RNF180: variants seen among roughly 807,000 people sequenced by gnomAD.
The protein encoded by RNF180 is E3 ubiquitin-protein ligase RNF180.
Under a neutral mutation model 59.2 loss-of-function variants are expected in RNF180, and 38 were observed. The observed-to-expected ratio is 0.64, with a 90% CI of 0.50 to 0.84. The LOEUF (loss-of-function observed/expected upper bound fraction) is 0.84, where lower values mean the gene tolerates loss of function less well. Among genes scored for constraint, RNF180 ranks in the 40% least tolerant of loss-of-function variants. The probability of loss-of-function intolerance (pLI) is 0.00; values close to 1 mark genes in which losing one functional copy is unlikely to be tolerated. For missense variants in RNF180, 705 were observed against 700.9 expected (o/e 1.01, Z -0.07); for synonymous variants, 262 against 240.3 (o/e 1.09, Z -0.84).
intron 7 of RNF180, among the ~76,000 whole-genome samples, chr5:64,348,140 A>G (rs1745628540): frequency 6.6e-6 from 1 of 152,060 alleles, no homozygotes; most frequent in Admixed American, 6.6e-5. Context: ...TTATAACATA[A>G]ATCTAAAAAT....
Position 64,284,323 on chromosome 5 carries a change from CTG to C in RNF180, c.1228-40859_1228-40858del, listed in dbSNP as rs1742168080. ...ATGTTGACCTTGAAGAATCTGATGA[CTG>C]TGTATCTTCAGGATGGTTATCTTGT... On this transcript the variant is annotated intron_variant, in intron 5 of 7. Coordinates refer to ENST00000389100, the MANE Select transcript of RNF180 (RefSeq NM_001113561.2). 2.6e-5 allele frequency among the ~76,000 whole-genome samples: 4 copies of C among 152,158 alleles called. No homozygotes were observed. The South Asian group carries it at 6.2e-4, about 24-fold the overall frequency.
intron 5 of RNF180, among the ~76,000 whole-genome samples, chr5:64,283,678 C>T (rs1392877819): frequency 1.3e-5 from 2 of 152,136 alleles, no homozygotes; most frequent in Non-Finnish European, 2.9e-5. Context: ...CTTCTCCTTC[C>T]TACCACCTTG....
chr5:64,304,073 C>A (rs113037946), intron 5 of RNF180, among the ~76,000 whole-genome samples: 262 of 151,648 alleles, frequency 1.7e-3, no homozygotes, highest in African/African-American at 6.2e-3. Flanking sequence ...TGGATGACAG[C>A]ACATCTGCTT....
chr5:64,227,991 A>G (rs890322799), intron 5 of RNF180, among the ~76,000 whole-genome samples: 3 of 151,988 alleles, frequency 2.0e-5, no homozygotes, highest in Admixed American at 6.6e-5. Flanking sequence ...TGGAGATGCA[A>G]ATCTCACCTA....
intron 5 of RNF180, among the ~76,000 whole-genome samples, chr5:64,264,164 A>G (rs1744519718): frequency 6.6e-6 from 1 of 152,140 alleles, no homozygotes; most frequent in African/African-American, 2.4e-5. Context: ...TCTATCCAAT[A>G]TACATGTTCT....
At chr5:64,330,872 C>G (rs959749612) in intron 7 of RNF180, among the ~76,000 whole-genome samples, 1 of 152,232 alleles carries the variant, frequency 6.6e-6, no homozygotes, top group African/African-American at 2.4e-5. Flanking sequence ...CCCTGCCTAC[C>G]CAGGCAAAGT....
intron 5 of RNF180, among the ~76,000 whole-genome samples, chr5:64,313,560 G>C (rs1210787263): frequency 6.6e-6 from 1 of 152,054 alleles, no homozygotes; most frequent in Non-Finnish European, 1.5e-5. Context: ...CTATTGATGG[G>C]CATTTGGGTT....
chr5:64,190,131 G>C (rs1367995260), intron 1 of RNF180, among the ~76,000 whole-genome samples: 3 of 152,170 alleles, frequency 2.0e-5, no homozygotes, highest in Non-Finnish European at 2.9e-5. Context: ...AGCCAAGGGA[G>C]CAGGTCTGCC....
rs1262564168 is a variant in RNF180 at position 64,214,403 on chromosome 5, C to T, written c.1077C>T (p.His359=). 5 of 1,613,934 alleles carry T rather than the reference C, an allele frequency of 3.1e-6. No homozygotes were observed. Among genetic ancestry groups the T allele is most frequent in the Non-Finnish European group, 4.2e-6 (5 of 1,180,018 alleles). Residue 359 remains histidine (H), a synonymous_variant, in exon 4 of 8, where the codon CAC becomes CAT. Transcript: ENST00000389100. The part of the protein sequence containing the change: ...EEHLSPLDFL[H]SANFSLGSIN... The stretch of plus-strand genomic sequence containing the variant: ...ACCTCTCCCCTCTGGACTTCCTGCA[C>T]TCAGCCAATTTTTCATTGGGCAGCA...
intron 5 of RNF180, among the ~76,000 whole-genome samples, chr5:64,259,642 G>A (rs183052335): frequency 7.8e-4 from 119 of 152,122 alleles, no homozygotes; most frequent in African/African-American, 2.8e-3. Context: ...TAAAATTCAG[G>A]CCAGGCACAG....
At position 64,185,739 on chromosome 5, in the gene RNF180, A is replaced by G. The variant is rs1408701637; in HGVS notation, c.1-15069A>G. ...AGCCTGTGGTATTGAGGGGGACTAC[A>G]AAAACTTGAGCTACTGCTTATGCCC... is the stretch of plus-strand genomic sequence containing the variant. On this transcript the variant is annotated intron_variant, in intron 1 of 7. Transcript: ENST00000389100. Among the ~76,000 whole-genome samples, 2 of 152,244 alleles carry G rather than the reference A, an allele frequency of 1.3e-5. 1 individual carries two copies. Among genetic ancestry groups the G allele is most frequent in the Admixed American group, 1.3e-4 (2 of 15,282 alleles).
intron 7 of RNF180, among the ~76,000 whole-genome samples, chr5:64,357,154 T>C (rs529652109): frequency 2.0e-4 from 31 of 151,874 alleles, no homozygotes; most frequent in Non-Finnish European, 4.3e-4. Context: ...TTATTCAATA[T>C]AAAAGATTAA....
At chr5:64,255,957 T>C (rs1728430285) in intron 5 of RNF180, among the ~76,000 whole-genome samples, 1 of 152,242 alleles carries the variant, frequency 6.6e-6, no homozygotes, top group Non-Finnish European at 1.5e-5. Flanking sequence ...CCAGTGATGA[T>C]GAGCATTTTT....
At chr5:64,180,389 G>A (rs1311013048) in intron 1 of RNF180, among the ~76,000 whole-genome samples, 1 of 152,090 alleles carries the variant, frequency 6.6e-6, no homozygotes, top group Admixed American at 6.6e-5. Context: ...CCATACAATT[G>A]CTCATTAAAA....
intron 1 of RNF180, among the ~76,000 whole-genome samples, chr5:64,197,602 C>G (rs563473697): frequency 6.6e-6 from 1 of 152,044 alleles, no homozygotes; most frequent in Non-Finnish European, 1.5e-5. Context: ...TGTATTAAAT[C>G]TTTTCTTTTA....
At chr5:64,292,960 C>T (rs1051641194) in intron 5 of RNF180, among the ~76,000 whole-genome samples, 1 of 152,230 alleles carries the variant, frequency 6.6e-6, no homozygotes, top group Admixed American at 6.5e-5. Flanking sequence ...GTCCAGACTG[C>T]CTGGATTCCC....
intron 2 of RNF180, among the ~76,000 whole-genome samples, chr5:64,208,340 A>G (rs1752127379): frequency 6.6e-6 from 1 of 152,042 alleles, no homozygotes; most frequent in African/African-American, 2.4e-5. Flanking sequence ...TTTTTTTACA[A>G]TCCTGGTAAA....
intron 7 of RNF180, among the ~76,000 whole-genome samples, chr5:64,336,728 T>G (rs1244543448): frequency 1.3e-5 from 2 of 152,196 alleles, no homozygotes; most frequent in East Asian, 3.8e-4. Flanking sequence ...TTGTAGTTAC[T>G]TTGCTTATTT....
Position 64,325,244 on chromosome 5 carries a change from G to T in RNF180, c.1286G>T (p.Ser429Ile), listed in dbSNP as rs1189827812. 6.4e-7 allele frequency: 1 copy of T among 1,551,496 alleles called. No homozygotes were observed. Among genetic ancestry groups the T allele is most frequent in the Non-Finnish European group, 8.7e-7 (1 of 1,146,802 alleles). ...EDNEYAEEKD[S>I]YICAVCLDVY... ...AATGAATATGCAGAAGAAAAGGATAGCTACATCTGTGCAGTGTGTCTGGAC... is the reference window on the plus strand; with the variant it reads ...AATGAATATGCAGAAGAAAAGGATATCTACATCTGTGCAGTGTGTCTGGAC... Residue 429 changes from serine to isoleucine, a missense_variant, in exon 6 of 8, where the codon AGC becomes ATC. Physicochemically the swap from Ser to Ile is moderately radical, Grantham distance 142. Transcript: ENST00000389100.
Sources: allele counts gnomAD v4.1 joint callset (sites outside exome capture counted in the v4.1 genomes callset), GRCh38; gene constraint gnomAD v4.1.1; transcripts MANE v1.5; gene names NCBI Gene and HGNC (gene_info 2026-07-23, HGNC 2026-07-21).